GRIK2: variants seen among roughly 807,000 people sequenced by gnomAD.
GRIK2 encodes the protein glutamate receptor ionotropic, kainate 2.
A neutral mutation model predicts 100.3 loss-of-function variants in GRIK2; 32 were observed. That is an observed-to-expected ratio of 0.32 (90% CI 0.24 to 0.43). The LOEUF is 0.43. Ranked by LOEUF, GRIK2 falls within the 20% of genes least tolerant of loss-of-function variation. The pLI is 1.00. For synonymous variants in GRIK2, 417 were observed against 389.4 expected (o/e 1.07, Z -0.83); for missense variants, 843 against 1,114.9 (o/e 0.76, Z 3.47).
intron 2 of GRIK2, among the ~76,000 whole-genome samples, chr6:101,598,609 A>G (rs1440634206): frequency 9.9e-6 from 1 of 101,492 alleles, no homozygotes; most frequent in Non-Finnish European, 1.9e-5. Flanking sequence ...AAAAAAAAAA[A>G]AAGAAAGAAA....
At chr6:101,507,322 T>TTTGGGTATTGCCTTAGAGATATATCTA (rs1774074832) in intron 2 of GRIK2, among the ~76,000 whole-genome samples, 1 of 152,116 alleles carries the variant, frequency 6.6e-6, no homozygotes, top group Non-Finnish European at 1.5e-5. Context: ...AGAGACATAG[T>TTTGGGTATTGCCTTAGAGATATATCTA]TTGGGTATTG....
chr6:101,715,671 G>A (rs1161046478), intron 7 of GRIK2, among the ~76,000 whole-genome samples: 1 of 151,710 alleles, frequency 6.6e-6, no homozygotes, highest in Non-Finnish European at 1.5e-5. Context: ...CCCATGTTAT[G>A]AAAAAGAATT....
chr6:101,408,690 G>A (rs932971122), intron 2 of GRIK2, among the ~76,000 whole-genome samples: 1 of 152,006 alleles, frequency 6.6e-6, no homozygotes, highest in African/African-American at 2.4e-5. Context: ...TCAACTGAGC[G>A]GATGAAACCC....
chr6:101,474,494 C>A (rs1772123723), intron 2 of GRIK2, among the ~76,000 whole-genome samples: 1 of 151,646 alleles, frequency 6.6e-6, no homozygotes, highest in Non-Finnish European at 1.5e-5. Flanking sequence ...TTTATCTGAC[C>A]AATTAAAATA....
intron 11 of GRIK2, among the ~76,000 whole-genome samples, chr6:101,875,161 C>A (rs899381017): frequency 1.3e-5 from 2 of 152,050 alleles, no homozygotes; most frequent in African/African-American, 4.8e-5. Context: ...AGAGGGCATC[C>A]CTGCCTTGTG....
intron 14 of GRIK2, among the ~76,000 whole-genome samples, chr6:101,961,391 G>A: frequency 6.6e-6 from 1 of 152,066 alleles, no homozygotes; most frequent in East Asian, 1.9e-4. Flanking sequence ...GACATACCAG[G>A]AGTGGGAGTG....
At chr6:101,824,105 G>T (rs1782154255) in intron 10 of GRIK2, among the ~76,000 whole-genome samples, 2 of 151,966 alleles carry the variant, frequency 1.3e-5, no homozygotes, top group Non-Finnish European at 1.5e-5. Flanking sequence ...GGCTGGTCTT[G>T]AACTCCTGAC....
chr6:101,401,771 C>A (rs1394697135), intron 2 of GRIK2, among the ~76,000 whole-genome samples: 1 of 152,236 alleles, frequency 6.6e-6, no homozygotes, highest in Non-Finnish European at 1.5e-5. Flanking sequence ...TTATTTTCAA[C>A]TTTGGCTCAA....
chr6:101,686,980 G>A (rs138317250), intron 7 of GRIK2, among the ~76,000 whole-genome samples: 7 of 152,100 alleles, frequency 4.6e-5, no homozygotes, highest in South Asian at 2.1e-4. Flanking sequence ...TAATGGCAAG[G>A]CATACATAAT....
chr6:102,023,677 G>T (rs969866654), intron 14 of GRIK2, among the ~76,000 whole-genome samples: 13 of 151,476 alleles, frequency 8.6e-5, no homozygotes, highest in Admixed American at 6.6e-5. Flanking sequence ...AGCTTTCTGG[G>T]CAGGGTTGAA....
chr6:101,903,678 G>A (rs12204647), intron 12 of GRIK2, among the ~76,000 whole-genome samples: 15,135 of 151,428 alleles, frequency 0.1, 887 homozygotes, highest in Middle Eastern at 0.2. Flanking sequence ...CTACCAAAAT[G>A]TAAATTTTTA....
intron 2 of GRIK2, among the ~76,000 whole-genome samples, chr6:101,540,066 C>G (rs1775910400): frequency 6.6e-6 from 1 of 151,442 alleles, no homozygotes; most frequent in Non-Finnish European, 1.5e-5. Flanking sequence ...GTCAGCACTT[C>G]TTGGCATTTT....
intron 10 of GRIK2, among the ~76,000 whole-genome samples, chr6:101,853,241 G>T (rs62419297): frequency 0.046 from 6,989 of 152,190 alleles, 229 homozygotes; most frequent in Middle Eastern, 0.068. Flanking sequence ...CCTCTTCTTA[G>T]CTATGTGACC....
intron 13 of GRIK2, chr6:101,928,143 C>G (rs977714632): frequency 4.9e-6 from 2 of 404,178 alleles, no homozygotes; most frequent in South Asian, 3.8e-5. Context: ...AATGTTTACT[C>G]ATTAATATTT....
At chr6:101,582,916 TGGGCAGA>T (rs72084925) in intron 2 of GRIK2, among the ~76,000 whole-genome samples, 23,702 of 151,990 alleles carry the variant, frequency 0.16, 2,218 homozygotes, top group Middle Eastern at 0.24. Flanking sequence ...CAATCTGCAG[TGGGCAGA>T]GTCCTGTGAA....
At chr6:101,633,471 T>C (rs1029568993) in intron 4 of GRIK2, among the ~76,000 whole-genome samples, 16 of 152,102 alleles carry the variant, frequency 1.1e-4, no homozygotes, top group Admixed American at 9.8e-4. Context: ...CTTCACAGGA[T>C]TGTTGTTGTG....
At chr6:101,729,644 C>T (rs906827252) in intron 7 of GRIK2, among the ~76,000 whole-genome samples, 8 of 151,686 alleles carry the variant, frequency 5.3e-5, no homozygotes, top group African/African-American at 1.7e-4. Flanking sequence ...GCGTCATATC[C>T]TGAACGCTTT....
chr6:101,465,953 A>G (rs145374620), intron 2 of GRIK2, among the ~76,000 whole-genome samples: 2 of 152,330 alleles, frequency 1.3e-5, no homozygotes, highest in Admixed American at 6.5e-5. Context: ...AGCATGAGGT[A>G]AGATTGTCTT....
At chr6:102,059,570 G>A (rs771320361) in intron 16 of GRIK2, among the ~76,000 whole-genome samples, 1 of 150,862 alleles carries the variant, frequency 6.6e-6, no homozygotes, top group African/African-American at 2.4e-5. Context: ...GCTATAACAA[G>A]CTGCTTAATA....
Sources: gnomAD v4.1 joint callset for allele counts (sites outside exome capture counted in the v4.1 genomes callset) on GRCh38, gnomAD v4.1.1 for gene constraint, MANE v1.5 for transcripts, NCBI Gene and HGNC (gene_info 2026-07-23, HGNC 2026-07-21) for gene names.